The following PDE4B variants were observed in gnomAD, a reference collection of about 807,000 sequenced individuals.
The protein encoded by PDE4B is phosphodiesterase 4B.
PDE4B carries 20 observed loss-of-function variants against 82.2 expected under a neutral mutation model. The observed-to-expected ratio is 0.24, with a 90% CI of 0.17 to 0.35. The LOEUF is 0.35. Among genes scored for constraint, PDE4B ranks in the 10% least tolerant of loss-of-function variants. The pLI, the probability that PDE4B is intolerant of heterozygous loss-of-function variation, is 1.00. For synonymous variants in PDE4B, 320 were observed against 318.9 expected, an observed-to-expected ratio of 1.00 and a Z score of -0.04; for missense variants, 655 against 907.2, an observed-to-expected ratio of 0.72 and a Z score of 3.57.
At chr1:65,868,485 C>T (rs1052879719) in intron 1 of PDE4B, among the ~76,000 whole-genome samples, 6 of 152,184 alleles carry the variant, frequency 3.9e-5, no homozygotes, top group African/African-American at 7.2e-5. Context: ...GTTTTATTTC[C>T]ACTGTTCCTC....
At chr1:66,204,710 G>A (rs1031678455) in intron 3 of PDE4B, among the ~76,000 whole-genome samples, 1 of 152,204 alleles carries the variant, frequency 6.6e-6, no homozygotes, top group Non-Finnish European at 1.5e-5. Context: ...CGCAGAATTA[G>A]GGTGGGAGTG....
chr1:65,896,821 G>C (rs1157893069), intron 1 of PDE4B, among the ~76,000 whole-genome samples: 6 of 152,126 alleles, frequency 3.9e-5, no homozygotes, highest in African/African-American at 7.2e-5. Flanking sequence ...TTGACCTCCT[G>C]TCTGGATCCC....
At chr1:65,800,676 A>G (rs1413037665) in intron 1 of PDE4B, among the ~76,000 whole-genome samples, 1 of 152,256 alleles carries the variant, frequency 6.6e-6, no homozygotes, top group Non-Finnish European at 1.5e-5. Flanking sequence ...TGGTAGGCCC[A>G]TGCAATTAAG....
chr1:66,288,601 T>C (rs1018737629), intron 7 of PDE4B, among the ~76,000 whole-genome samples: 11 of 152,166 alleles, frequency 7.2e-5, no homozygotes, highest in African/African-American at 2.7e-4. Context: ...AACTAGCGCC[T>C]GGCTTACTAT....
chr1:66,044,510 G>A (rs1330489558), intron 3 of PDE4B, among the ~76,000 whole-genome samples: 2 of 151,708 alleles, frequency 1.3e-5, no homozygotes, highest in African/African-American at 4.8e-5. Flanking sequence ...AATTGCTTTA[G>A]CAGAGGGATC....
chr1:66,167,483 G>A (rs1221077838), intron 3 of PDE4B, among the ~76,000 whole-genome samples: 2 of 152,180 alleles, frequency 1.3e-5, no homozygotes. Context: ...GCCACTCCCT[G>A]TTAGTTAGGA....
At chr1:65,888,717 T>G (rs1208724807) in intron 1 of PDE4B, among the ~76,000 whole-genome samples, 1 of 152,136 alleles carries the variant, frequency 6.6e-6, no homozygotes, top group Non-Finnish European at 1.5e-5. Flanking sequence ...CTGTTACAAC[T>G]TGTGTTGCCT....
At chr1:66,118,684 G>A (rs913080605) in intron 3 of PDE4B, among the ~76,000 whole-genome samples, 4 of 151,950 alleles carry the variant, frequency 2.6e-5, no homozygotes, top group Admixed American at 2.6e-4. Context: ...CCTGCATGTT[G>A]TGCACATGTA....
chr1:65,884,640 GA>G (rs1471708296), intron 1 of PDE4B, among the ~76,000 whole-genome samples: 2 of 152,142 alleles, frequency 1.3e-5, no homozygotes, highest in African/African-American at 4.8e-5. Context: ...ATGGTGCTGG[GA>G]AAACTGGCTA....
At chr1:66,129,861 C>T (rs1645904416) in intron 3 of PDE4B, among the ~76,000 whole-genome samples, 1 of 152,130 alleles carries the variant, frequency 6.6e-6, no homozygotes, top group African/African-American at 2.4e-5. Context: ...ATGACTTTGT[C>T]TTAATTCAGG....
intron 1 of PDE4B, among the ~76,000 whole-genome samples, chr1:65,832,996 A>G (rs1646100047): frequency 6.6e-6 from 1 of 152,232 alleles, no homozygotes; most frequent in African/African-American, 2.4e-5. Flanking sequence ...GTGACTTTCT[A>G]TGATGAATGA....
At chr1:66,150,189 G>A (rs1646362837) in intron 3 of PDE4B, among the ~76,000 whole-genome samples, 1 of 151,748 alleles carries the variant, frequency 6.6e-6, no homozygotes. Context: ...CTACAACTTT[G>A]TTCTTTTTCA....
intron 3 of PDE4B, among the ~76,000 whole-genome samples, chr1:66,022,311 G>A (rs569088326): frequency 3.3e-5 from 5 of 152,118 alleles, no homozygotes; most frequent in Non-Finnish European, 5.9e-5. Flanking sequence ...TCTTTCTCTT[G>A]CCTGATTGCC....
At chr1:66,015,116 C>T (rs1174544738) in intron 3 of PDE4B, among the ~76,000 whole-genome samples, 1 of 152,076 alleles carries the variant, frequency 6.6e-6, no homozygotes, top group Non-Finnish European at 1.5e-5. Flanking sequence ...TAACTTTTGC[C>T]TTTAAGACTG....
At chr1:65,874,519 G>A (rs1213930263) in intron 1 of PDE4B, among the ~76,000 whole-genome samples, 1 of 152,162 alleles carries the variant, frequency 6.6e-6, no homozygotes, top group African/African-American at 2.4e-5. Flanking sequence ...CAAAGCTGGA[G>A]GCATCACACT....
rs932072638 is a variant in PDE4B at position 66,368,081 on chromosome 1, C to A, written c.1662+16C>A. 1 of 1,610,798 alleles carries A rather than the reference C, an allele frequency of 6.2e-7. No individual in the cohort carries two copies. Among genetic ancestry groups the A allele is most frequent in the African/African-American group, 1.3e-5 (1 of 74,688 alleles). ...TCGCATTCAGGTATTTGAGGAAAGT[C>A]TTTGATTTAACACAAAACCAAACCA... is the stretch of plus-strand genomic sequence containing the variant. On this transcript the variant is annotated intron_variant, in intron 15 of 16. Coordinates refer to ENST00000341517, the MANE Select transcript of PDE4B (RefSeq NM_002600.4).
intron 3 of PDE4B, among the ~76,000 whole-genome samples, chr1:66,025,772 A>G (rs1446505982): frequency 2.6e-5 from 4 of 152,214 alleles, no homozygotes; most frequent in Admixed American, 6.5e-5. Flanking sequence ...TCTCTGCAAT[A>G]TCCAGCAAGC....
intron 3 of PDE4B, among the ~76,000 whole-genome samples, chr1:66,080,113 T>C (rs1656647190): frequency 6.6e-6 from 1 of 152,162 alleles, no homozygotes; most frequent in Non-Finnish European, 1.5e-5. Flanking sequence ...AAAATTATTC[T>C]TTAGGATTTC....
intron 7 of PDE4B, among the ~76,000 whole-genome samples, chr1:66,317,691 G>T (rs1659121746): frequency 6.6e-6 from 1 of 152,092 alleles, no homozygotes; most frequent in Admixed American, 6.5e-5. Flanking sequence ...GAGCCCAGGA[G>T]TTCGAGACCG....
Sources: gnomAD v4.1 joint callset for allele counts (sites outside exome capture counted in the v4.1 genomes callset) on GRCh38, gnomAD v4.1.1 for gene constraint, MANE v1.5 for transcripts, NCBI Gene and HGNC (gene_info 2026-07-23, HGNC 2026-07-21) for gene names.